C6: variants seen among roughly 807,000 people sequenced by gnomAD.
The protein encoded by C6 is complement component C6.
A neutral mutation model predicts 112.9 loss-of-function variants in C6; 101 were observed. That is an observed-to-expected ratio of 0.89 (90% CI 0.76 to 1.06). The LOEUF is 1.06. Ranked by LOEUF, C6 falls within the 50% of genes least tolerant of loss-of-function variation. The pLI, the probability that C6 is intolerant of heterozygous loss-of-function variation, is 0.00. For synonymous variants in C6, 431 were observed against 384.1 expected (o/e 1.12, Z -1.43); for missense variants, 1,202 against 1,104.6 (o/e 1.09, Z -1.25).
chr5:41,159,574 A>G lies in C6; in HGVS notation c.1685-321T>C, dbSNP rs930805985. The G allele has an allele frequency of 1.5e-5, 6 of 405,142 alleles. No individual in the cohort carries two copies. The Admixed American group carries it at 3.9e-4, about 26-fold the overall frequency. 25.1% of individuals were successfully genotyped at this position (405,142 alleles called of 1,614,324 possible). On this transcript the variant is annotated intron_variant, in intron 11 of 17. Coordinates refer to ENST00000337836, the MANE Select transcript of C6 (RefSeq NM_000065.5). ...AATGTGCACTCATATGTGTATAAATATAAACATCTTCTTAACAGAATGCAT... is the reference window on the plus strand; with the variant it reads ...AATGTGCACTCATATGTGTATAAATGTAAACATCTTCTTAACAGAATGCAT...
chr5:41,195,622 G>A (rs1750550691), intron 5 of C6, among the ~76,000 whole-genome samples, 170 bp downstream of exon 5: 1 of 152,172 alleles, frequency 6.6e-6, no homozygotes, highest in Non-Finnish European at 1.5e-5. Flanking sequence ...TCAGGAGTGA[G>A]GATCATGGCC....
chr5:41,247,766 C>T (rs1313836098), intron 1 of C6, among the ~76,000 whole-genome samples: 1 of 149,898 alleles, frequency 6.7e-6, no homozygotes, highest in Non-Finnish European at 1.5e-5. Flanking sequence ...AGTGAAAGAT[C>T]TCTACAAGGA....
intron 13 of C6, among the ~76,000 whole-genome samples, chr5:41,157,238 C>A (rs10512764): frequency 6.6e-6 from 1 of 152,004 alleles, no homozygotes. Context: ...TCTAACCTTA[C>A]GAAATGAGTT....
intron 6 of C6, among the ~76,000 whole-genome samples, chr5:41,183,636 A>G (rs1422541154): frequency 1.3e-5 from 2 of 152,178 alleles, no homozygotes; most frequent in Non-Finnish European, 2.9e-5. Context: ...CTGGGTACAT[A>G]TCCAAAAGAA....
Position 41,195,893 on chromosome 5 carries a change from A to C in C6, c.486T>G (p.Asn162Lys), listed in dbSNP as rs1205673503. 6.2e-7 allele frequency: 1 copy of C among 1,613,960 alleles called. No individual in the cohort carries two copies. The highest frequency in any genetic ancestry group is 1.7e-5 in the Admixed American group (1 of 59,982). The change falls in exon 5 of 18, where the codon AAT becomes AAG. Residue 162 changes from asparagine (N) to lysine (K), a missense_variant. Asn to Lys is a moderately conservative substitution (Grantham distance 94, BLOSUM62 0). Coordinates refer to ENST00000337836, the MANE Select transcript of C6 (RefSeq NM_000065.5). ...TTTCATCTGAATTGTCTCCACAGTC[A>C]TTTTCTCCATTGCATTCTAACTTTC... ...IARKLECNGE[N>K]DCGDNSDERD... is the part of the protein sequence containing the mutation.
intron 1 of C6, among the ~76,000 whole-genome samples, chr5:41,249,098 A>G (rs930988336): frequency 6.6e-6 from 1 of 152,180 alleles, no homozygotes; most frequent in Non-Finnish European, 1.5e-5. Context: ...GTAGTAGCTA[A>G]TCATTGGGTA....
intron 1 of C6, among the ~76,000 whole-genome samples, chr5:41,225,673 C>T (rs987442760): frequency 1.3e-5 from 2 of 152,182 alleles, no homozygotes; most frequent in African/African-American, 4.8e-5. Context: ...AGCTAGTTTA[C>T]AGTCCCACCA....
chr5:41,239,553 A>G (rs1165292564), intron 1 of C6, among the ~76,000 whole-genome samples: 1 of 152,112 alleles, frequency 6.6e-6, no homozygotes. Context: ...ATACTATCAA[A>G]CATTAGAACT....
intron 8 of C6, among the ~76,000 whole-genome samples, chr5:41,175,220 C>A (rs1748737344): frequency 6.6e-6 from 1 of 152,148 alleles, no homozygotes. Context: ...TCAGCCAAAT[C>A]AACCCTGGCG....
chr5:41,227,381 A>G (rs1226960737), intron 1 of C6, among the ~76,000 whole-genome samples: 1 of 152,030 alleles, frequency 6.6e-6, no homozygotes, highest in Non-Finnish European at 1.5e-5. Flanking sequence ...TGGTGTGAAA[A>G]TACTTTCTCC....
rs1024036068 is a variant in C6 at position 41,160,044 on chromosome 5, G to A, written c.1684+98C>T. The A allele has an allele frequency of 2.4e-5, 22 of 929,212 alleles. 1 individual carries two copies. The South Asian group carries it at 3.0e-4, about 13-fold the overall frequency. The allele number at this position is 929,212 out of a possible 1,614,324, so 57.6% of individuals were successfully genotyped here. A position where few individuals can be genotyped will look rare whatever the true frequency, so the allele number is the denominator to read the frequency against. On this transcript the variant is annotated intron_variant, in intron 11 of 17. Transcript: ENST00000337836. ...CCCTCTGAGCCTGTACAAGGTGGAG[G>A]TTGCTAATAGAAGTTTTGTTTCTTT...
chr5:41,221,473 G>A (rs986238298), intron 1 of C6, among the ~76,000 whole-genome samples: 1 of 152,120 alleles, frequency 6.6e-6, no homozygotes, highest in African/African-American at 2.4e-5. Flanking sequence ...TATCCCATGA[G>A]CAGCACTGAC....
chr5:41,247,119 A>G (rs1476180905), intron 1 of C6, among the ~76,000 whole-genome samples: 1 of 152,206 alleles, frequency 6.6e-6, no homozygotes, highest in Non-Finnish European at 1.5e-5. Context: ...TATTAGGCCT[A>G]GATTATGCTA....
intron 1 of C6, among the ~76,000 whole-genome samples, chr5:41,208,776 G>T (rs1483856222): frequency 6.6e-6 from 1 of 151,912 alleles, no homozygotes; most frequent in Non-Finnish European, 1.5e-5. Context: ...ATTCACAGCC[G>T]AATTCTACCA....
chr5:41,193,785 T>A (rs1412480416), intron 5 of C6, among the ~76,000 whole-genome samples: 1 of 145,146 alleles, frequency 6.9e-6, no homozygotes, highest in Non-Finnish European at 1.5e-5. Context: ...GGTCAGCCAC[T>A]CAGGAAGCTA....
chr5:41,149,541 C>A, intron 16 of C6, 59 bp from the exon 17 acceptor site: 1 of 1,605,038 alleles, frequency 6.2e-7, no homozygotes, highest in South Asian at 1.1e-5. Context: ...ACAGGGGGCA[C>A]GTAGCCAATG....
chr5:41,260,472 A>G (rs1385404703), intron 1 of C6, among the ~76,000 whole-genome samples: 1 of 147,530 alleles, frequency 6.8e-6, no homozygotes, highest in African/African-American at 2.5e-5. Context: ...CAAACAAACA[A>G]ATAAAAATGC....
In C6 at chr5:41,181,541, C is replaced by G. The variant is rs149083538; in HGVS notation, c.745G>C (p.Asp249His). ...TCCTTGTAGAAATCTGTTTTCAAGT[C>G]ATCTTCTGCAGTTTGTACCTGGAGA... ...VGFEVQTAED[D>H]LKTDFYKDLT... The change falls in exon 7 of 18, where the codon GAC becomes CAC. Residue 249 changes from aspartate (D) to histidine (H), a missense_variant. Transcript: ENST00000337836. 17 of 1,613,226 alleles carry G rather than the reference C, an allele frequency of 1.1e-5. No individual in the cohort carries two copies. Among genetic ancestry groups the G allele is most frequent in the Non-Finnish European group, 1.4e-5 (17 of 1,179,554 alleles).
At position 41,160,203 on chromosome 5, in the gene C6, A is replaced by G; in HGVS notation, c.1623T>C (p.Cys541=). 6.2e-7 allele frequency: 1 copy of G among 1,613,932 alleles called. No homozygotes were observed. Among genetic ancestry groups the G allele is most frequent in the Non-Finnish European group, 8.5e-7 (1 of 1,179,848 alleles). ...CACCATAGGTGCCACTCTGACACAC[A>G]CACAGACATTCAGTCCCTGAGAGGG... is the stretch of plus-strand genomic sequence containing the variant. ...RPTLSGTECL[C]VCQSGTYGEN... is the part of the protein sequence containing the mutation. The change falls in exon 11 of 18, where the codon TGT becomes TGC. Residue 541 remains cysteine, a synonymous_variant. Coordinates refer to ENST00000337836, the MANE Select transcript of C6 (RefSeq NM_000065.5).
Sources: allele counts gnomAD v4.1 joint callset (sites outside exome capture counted in the v4.1 genomes callset), GRCh38; gene constraint gnomAD v4.1.1; transcripts MANE v1.5; gene names NCBI Gene and HGNC (gene_info 2026-07-23, HGNC 2026-07-21).